The following GALNTL6 variants were observed in gnomAD, a reference collection of about 807,000 sequenced individuals.
The protein encoded by GALNTL6 is polypeptide N-acetylgalactosaminyltransferase like 6.
A neutral mutation model predicts 73.7 loss-of-function variants in GALNTL6; 46 were observed. That is an observed-to-expected ratio of 0.62 (90% confidence interval 0.49 to 0.80). The LOEUF is 0.80. Ranked by LOEUF, GALNTL6 falls within the 30% of genes least tolerant of loss-of-function variation. The probability of loss-of-function intolerance (pLI) is 0.00; values close to 1 mark genes in which losing one functional copy is unlikely to be tolerated. For synonymous variants in GALNTL6, 259 were observed against 263.7 expected (o/e 0.98, Z 0.17); for missense variants, 604 against 755.0 (o/e 0.80, Z 2.34).
chr4:172,153,075 A>G (rs1004629060), intron 2 of GALNTL6, among the ~76,000 whole-genome samples: 1 of 152,226 alleles, frequency 6.6e-6, no homozygotes, highest in Non-Finnish European at 1.5e-5. Context: ...ATTGCCTTCA[A>G]GTTATAGCTA....
chr4:172,131,814 G>A (rs1733506939), intron 2 of GALNTL6, among the ~76,000 whole-genome samples: 1 of 151,562 alleles, frequency 6.6e-6, no homozygotes, highest in Admixed American at 6.6e-5. Flanking sequence ...ACTGTTCATT[G>A]CACACACTAG....
At position 172,264,606 on chromosome 4, in the gene GALNTL6, TACAC is replaced by T. The variant is rs1301368631; in HGVS notation, c.247+34844_247+34847del. ...TATATATATATATTTGGCATATATA[TACAC>T]ATATAATATATTTGGCATATATTAT... On this transcript the variant is annotated intron_variant, in intron 3 of 12. Coordinates refer to ENST00000506823, the MANE Select transcript of GALNTL6 (RefSeq NM_001034845.3). 2.9e-3 allele frequency among the ~76,000 whole-genome samples: 301 copies of T among 104,046 alleles called. 2 individuals are homozygous for T. The highest frequency in any genetic ancestry group is 4.9e-3 in the Non-Finnish European group (235 of 47,682). 68.3% of individuals were successfully genotyped at this position (104,046 alleles called of 152,430 possible). A position where few individuals can be genotyped will look rare whatever the true frequency, so the allele number is the denominator to read the frequency against.
At chr4:172,236,933 G>A (rs1231334706) in intron 3 of GALNTL6, among the ~76,000 whole-genome samples, 1 of 152,068 alleles carries the variant, frequency 6.6e-6, no homozygotes, top group Non-Finnish European at 1.5e-5. Flanking sequence ...TGTACTCAAC[G>A]TTTAGTTCTC....
chr4:171,837,636 A>G, intron 2 of GALNTL6, among the ~76,000 whole-genome samples: 1 of 147,206 alleles, frequency 6.8e-6, no homozygotes, highest in African/African-American at 2.5e-5. Context: ...ATATATTTAT[A>G]TAATATATTA....
intron 5 of GALNTL6, among the ~76,000 whole-genome samples, chr4:172,759,856 G>A (rs1737971111): frequency 9.0e-6 from 1 of 110,534 alleles, no homozygotes; most frequent in Non-Finnish European, 1.7e-5. Flanking sequence ...TTGAGACGGA[G>A]TCTCGCTCTG....
intron 5 of GALNTL6, among the ~76,000 whole-genome samples, chr4:172,585,414 A>G (rs1376492915): frequency 6.6e-6 from 1 of 151,442 alleles, no homozygotes. Flanking sequence ...CTTGCCCTCC[A>G]CCTCCTGACA....
intron 2 of GALNTL6, among the ~76,000 whole-genome samples, chr4:171,901,627 G>C (rs1054066020): frequency 1.2e-4 from 19 of 152,308 alleles, no homozygotes; most frequent in Non-Finnish European, 2.4e-4. Flanking sequence ...GAGGAGAACA[G>C]AATAAACAGA....
At chr4:172,121,930 C>T (rs1223137362) in intron 2 of GALNTL6, among the ~76,000 whole-genome samples, 2 of 149,582 alleles carry the variant, frequency 1.3e-5, no homozygotes, top group Non-Finnish European at 3.0e-5. Context: ...TTAAATAAAT[C>T]AAATAATCAT....
At chr4:172,474,816 A>G (rs1336923706) in intron 5 of GALNTL6, among the ~76,000 whole-genome samples, 2 of 152,252 alleles carry the variant, frequency 1.3e-5, no homozygotes, top group East Asian at 3.8e-4. Context: ...CCAGTAAAAA[A>G]TAAAAGACAG....
At chr4:172,245,636 C>A (rs1737632309) in intron 3 of GALNTL6, among the ~76,000 whole-genome samples, 1 of 152,150 alleles carries the variant, frequency 6.6e-6, no homozygotes, top group South Asian at 2.1e-4. Context: ...CAAAGCATTG[C>A]AGTTTAGACA....
At chr4:172,372,097 A>G (rs1398225680) in intron 5 of GALNTL6, among the ~76,000 whole-genome samples, 1 of 152,200 alleles carries the variant, frequency 6.6e-6, no homozygotes, top group Non-Finnish European at 1.5e-5. Flanking sequence ...ATTTTCAAGT[A>G]TGGTTACATC....
At chr4:171,860,395 T>G (rs992571139) in intron 2 of GALNTL6, among the ~76,000 whole-genome samples, 4 of 152,194 alleles carry the variant, frequency 2.6e-5, no homozygotes, top group Admixed American at 2.0e-4. Flanking sequence ...AAATATCCAG[T>G]AAAATAATAG....
intron 5 of GALNTL6, among the ~76,000 whole-genome samples, chr4:172,685,824 C>T (rs1732884997): frequency 1.3e-5 from 2 of 152,160 alleles, no homozygotes; most frequent in Admixed American, 1.3e-4. Flanking sequence ...GCGGGGATGT[C>T]TACTTCTGGC....
chr4:172,185,581 A>C (rs1486573768), intron 2 of GALNTL6, among the ~76,000 whole-genome samples: 1 of 152,244 alleles, frequency 6.6e-6, no homozygotes, highest in Non-Finnish European at 1.5e-5. Flanking sequence ...CTTTTTTGAT[A>C]AATCATCTTT....
intron 2 of GALNTL6, among the ~76,000 whole-genome samples, chr4:171,870,525 A>G (rs1736108488): frequency 6.6e-6 from 1 of 151,196 alleles, no homozygotes; most frequent in South Asian, 2.1e-4. Flanking sequence ...TGATATAAAT[A>G]TCAAAATAAT....
At chr4:172,172,985 T>C (rs953602007) in intron 2 of GALNTL6, among the ~76,000 whole-genome samples, 2 of 152,208 alleles carry the variant, frequency 1.3e-5, no homozygotes, top group African/African-American at 4.8e-5. Flanking sequence ...CTCATCCAGC[T>C]GGGGAAAGGC....
intron 2 of GALNTL6, among the ~76,000 whole-genome samples, chr4:171,966,733 G>GC (rs767138155): frequency 3.3e-4 from 51 of 152,250 alleles, no homozygotes; most frequent in Non-Finnish European, 5.6e-4. Flanking sequence ...AACAAACAGA[G>GC]CTGAACCCTG....
intron 7 of GALNTL6, among the ~76,000 whole-genome samples, chr4:172,878,552 C>T (rs924742365): frequency 6.6e-6 from 1 of 151,608 alleles, no homozygotes; most frequent in East Asian, 1.9e-4. Context: ...GACATAATAT[C>T]GCAACATAAA....
chr4:171,896,614 G>C (rs1327221094), intron 2 of GALNTL6, among the ~76,000 whole-genome samples: 1 of 152,194 alleles, frequency 6.6e-6, no homozygotes, highest in East Asian at 1.9e-4. Context: ...GTGCCTTCCT[G>C]TGGTGGAAAG....
Sources: allele counts gnomAD v4.1 joint callset (sites outside exome capture counted in the v4.1 genomes callset), GRCh38; gene constraint gnomAD v4.1.1; transcripts MANE v1.5; gene names NCBI Gene and HGNC (gene_info 2026-07-23, HGNC 2026-07-21).